The following GCSH variants were observed in gnomAD, a reference collection of about 807,000 sequenced individuals.
The protein encoded by GCSH is glycine cleavage system protein H.
A neutral mutation model predicts 21.3 loss-of-function variants in GCSH; 15 were observed. The ratio of observed to expected loss-of-function variants is 0.70; its 90% CI spans 0.47 to 1.08. GCSH has a LOEUF of 1.08. Among genes scored for constraint, GCSH ranks in the 50% least tolerant of loss-of-function variants. GCSH has a pLI of 0.00. For missense variants in GCSH, 179 were observed against 217.5 expected (o/e 0.82, Z 1.11); for synonymous variants, 59 against 84.5 (o/e 0.70, Z 1.66).
At chr16:81,087,579 C>T (rs1167465025) in intron 3 of GCSH, 22 bp downstream of exon 3, 1 of 1,521,850 alleles carries the variant, frequency 6.6e-7, no homozygotes, top group Non-Finnish European at 9.1e-7. Flanking sequence ...ATGGATCATT[C>T]TAAGATCCTA....
At chr16:81,092,939 C>G (rs1268150301) in intron 1 of GCSH, among the ~76,000 whole-genome samples, 35 of 152,150 alleles carry the variant, frequency 2.3e-4, no homozygotes, top group Non-Finnish European at 5.9e-5. Flanking sequence ...CAAGACCAGC[C>G]TGGCCAGCAT....
chr16:81,085,544 T>C (rs1368988355), intron 3 of GCSH, among the ~76,000 whole-genome samples: 1 of 152,176 alleles, frequency 6.6e-6, no homozygotes, highest in Non-Finnish European at 1.5e-5. Context: ...AATGTTCCAG[T>C]GACAGTGAAG....
intron 2 of GCSH, among the ~76,000 whole-genome samples, chr16:81,090,136 G>C (rs1246823834): frequency 6.6e-6 from 1 of 150,718 alleles, no homozygotes; most frequent in East Asian, 1.9e-4. Context: ...TGTCACCCAG[G>C]CTAGAGTGTA....
chr16:81,084,954 A>G (rs1486108327), intron 3 of GCSH, among the ~76,000 whole-genome samples: 1 of 147,978 alleles, frequency 6.8e-6, no homozygotes, highest in Non-Finnish European at 1.5e-5. Flanking sequence ...TGATGCCGTG[A>G]TCCGCCCGCC....
At chr16:81,087,517 A>C in intron 3 of GCSH, 84 bp downstream of exon 3, 1 of 1,001,016 alleles carries the variant, frequency 1.0e-6, no homozygotes, top group South Asian at 1.3e-5. Flanking sequence ...AAGCACTCTA[A>C]TTAATCCAGG....
intron 3 of GCSH, among the ~76,000 whole-genome samples, chr16:81,086,746 A>C (rs994904052): frequency 1.3e-5 from 2 of 152,184 alleles, no homozygotes; most frequent in African/African-American, 4.8e-5. Flanking sequence ...ATCGAAAAAA[A>C]ATTCAATCTA....
chr16:81,087,578 T>A, intron 3 of GCSH, 23 bp downstream of exon 3: 1 of 1,516,210 alleles, frequency 6.6e-7, no homozygotes, highest in Non-Finnish European at 9.2e-7. Context: ...CATGGATCAT[T>A]CTAAGATCCT....
intron 2 of GCSH, among the ~76,000 whole-genome samples, chr16:81,088,697 G>A (rs746542257): frequency 1.1e-4 from 16 of 152,084 alleles, no homozygotes; most frequent in Non-Finnish European, 2.1e-4. Flanking sequence ...CACTGCGCCC[G>A]GCAAACACTG....
intron 1 of GCSH, among the ~76,000 whole-genome samples, chr16:81,094,430 G>A (rs1303335241): frequency 1.3e-5 from 2 of 151,226 alleles, no homozygotes; most frequent in African/African-American, 2.4e-5. Context: ...GTTTGAACCC[G>A]GGAAGCGAAG....
chr16:81,085,686 T>C (rs933319153), intron 3 of GCSH, among the ~76,000 whole-genome samples: 4 of 151,652 alleles, frequency 2.6e-5, no homozygotes, highest in Non-Finnish European at 5.9e-5. Flanking sequence ...CTAGCCAACA[T>C]GGTCTCTACT....
chr16:81,089,346 G>A (rs1255196516), intron 2 of GCSH, among the ~76,000 whole-genome samples: 5 of 152,322 alleles, frequency 3.3e-5, no homozygotes, highest in East Asian at 1.9e-4. Flanking sequence ...TCACGTTGGT[G>A]CTCAAAAAGT....
intron 3 of GCSH, among the ~76,000 whole-genome samples, chr16:81,086,560 A>G (rs1372426378): frequency 1.3e-5 from 2 of 151,312 alleles, no homozygotes; most frequent in African/African-American, 4.9e-5. Context: ...CCGTCTCAAA[A>G]AAATAAGAAG....
chr16:81,085,074 G>T (rs1430142837), intron 3 of GCSH, among the ~76,000 whole-genome samples: 1 of 142,020 alleles, frequency 7.0e-6, no homozygotes, highest in East Asian at 2.1e-4. Flanking sequence ...CAGTACAATG[G>T]TGTGTTCTAG....
chr16:81,095,095 TAAAAAGAAAAAAAAAA>T (rs1358457260), intron 1 of GCSH, among the ~76,000 whole-genome samples: 1 of 44,352 alleles, frequency 2.3e-5, no homozygotes, highest in Admixed American at 3.4e-4. Flanking sequence ...TCCGTCTCAA[TAAAAAGAAAAAAAAAA>T]AAAAAGAAAA....
In GCSH at chr16:81,090,542, G is replaced by C; in HGVS notation, c.228+59C>G. 10 of 1,144,580 alleles carry C rather than the reference G, an allele frequency of 8.7e-6. 2 individuals carry two copies. The South Asian group carries it at 1.2e-4, about 14-fold the overall frequency. The allele number at this position is 1,144,580 out of a possible 1,614,324, so 70.9% of individuals were successfully genotyped here. A position where few individuals can be genotyped will look rare whatever the true frequency, so the allele number is the denominator to read the frequency against. Reference sequence around the variant, plus strand: ...CAGCCTAAACACTTTTAAAAAGGTAGAGATAAAGCAAATCATGCAAGAGCA... The same window carrying C: ...CAGCCTAAACACTTTTAAAAAGGTACAGATAAAGCAAATCATGCAAGAGCA... On this transcript the variant is annotated intron_variant, in intron 2 of 4. Transcript: ENST00000315467.
chr16:81,090,633 T>C lies in GCSH; in HGVS notation c.196A>G (p.Ile66Val). 2 of 1,612,492 alleles carry C rather than the reference T, an allele frequency of 1.2e-6. No individual in the cohort carries two copies. Among genetic ancestry groups the C allele is most frequent in the Non-Finnish European group, 1.7e-6 (2 of 1,178,568 alleles). Residue 66 changes from isoleucine (I) to valine (V), a missense_variant, in exon 2 of 5, where the codon ATT becomes GTT. Transcript: ENST00000315467. ...KHEWVTTENGIGTVGISNFAQ... is the reference protein window; with the variant it reads ...KHEWVTTENGVGTVGISNFAQ... ...AAATTGCTGATTCCCACTGTTCCAATGCCATTTTCTGTTGTTACCCATTCG... is the reference window on the plus strand; with the variant it reads ...AAATTGCTGATTCCCACTGTTCCAACGCCATTTTCTGTTGTTACCCATTCG...
chr16:81,090,769 C>G, intron 1 of GCSH, 89 bp from the exon 2 acceptor site: 1 of 926,064 alleles, frequency 1.1e-6, no homozygotes, highest in Non-Finnish European at 1.8e-6. Context: ...AAGACTTTCC[C>G]AGAATTTCTG....
chr16:81,095,602 T>G (rs1276318532), intron 1 of GCSH, among the ~76,000 whole-genome samples: 2 of 152,094 alleles, frequency 1.3e-5, no homozygotes, highest in East Asian at 3.9e-4. Context: ...CAGGATAGTC[T>G]CGATCTCCTG....
intron 3 of GCSH, among the ~76,000 whole-genome samples, chr16:81,085,047 G>A (rs1321883617): frequency 1.8e-5 from 2 of 113,842 alleles, no homozygotes; most frequent in Non-Finnish European, 3.3e-5. Flanking sequence ...ACGGAGTCTC[G>A]CTCTGTCACC....
Sources: allele counts gnomAD v4.1 joint callset (sites outside exome capture counted in the v4.1 genomes callset), GRCh38; gene constraint gnomAD v4.1.1; transcripts MANE v1.5; gene names NCBI Gene and HGNC (gene_info 2026-07-23, HGNC 2026-07-21).